The following NEBL variants were observed in gnomAD, a reference collection of about 807,000 sequenced individuals.
The protein encoded by NEBL is LIM and SH3 protein 2.
A neutral mutation model predicts 140.2 loss-of-function variants in NEBL; 122 were observed. That is an observed-to-expected ratio of 0.87 (90% CI 0.75 to 1.01). The LOEUF is 1.01. NEBL is among the 50% of genes least tolerant of loss of function. The probability of loss-of-function intolerance (pLI) is 0.00; values close to 1 mark genes in which losing one functional copy is unlikely to be tolerated. For synonymous variants in NEBL, 436 were observed against 398.9 expected (o/e 1.09, Z -1.11); for missense variants, 1,365 against 1,231.3 (o/e 1.11, Z -1.62).
chr10:20,927,413 C>G (rs1564446913), intron 4 of NEBL, among the ~76,000 whole-genome samples: 1 of 152,130 alleles, frequency 6.6e-6, no homozygotes, highest in Non-Finnish European at 1.5e-5. Flanking sequence ...TGTAGATCTA[C>G]TCCACAGAGC....
rs370386622 is a variant in NEBL at position 20,939,697 on chromosome 10, G to A, written c.357+21975C>T. On this transcript the variant is annotated intron_variant, in intron 4 of 6. Coordinates refer to the NEBL transcript ENST00000417816. ...GCTGTATTCAGGAAACCCATCTCAC[G>A]TGCAGAGACACACATAGGCTCAAAA... Among the ~76,000 whole-genome samples, 1,156 of 152,060 alleles carry A rather than the reference G, an allele frequency of 7.6e-3. 13 individuals carry two copies. Among genetic ancestry groups the A allele is most frequent in the African/African-American group, 0.026 (1,080 of 41,478 alleles).
chr10:21,254,801 G>T (rs1344012701), intron 1 of NEBL, among the ~76,000 whole-genome samples: 1 of 152,120 alleles, frequency 6.6e-6, no homozygotes, highest in Non-Finnish European at 1.5e-5. Flanking sequence ...AGGGGCCCCT[G>T]TCTGGACTTC....
At chr10:20,858,763 A>G (rs1379906161) in intron 8 of NEBL, among the ~76,000 whole-genome samples, 1 of 152,194 alleles carries the variant, frequency 6.6e-6, no homozygotes, top group Non-Finnish European at 1.5e-5. Context: ...TGAAAATATA[A>G]TACCAGTAAT....
chr10:21,036,337 C>T (rs1351013813), intron 2 of NEBL, among the ~76,000 whole-genome samples: 1 of 151,958 alleles, frequency 6.6e-6, no homozygotes, highest in East Asian at 1.9e-4. Context: ...ACCTCTGGTC[C>T]CAGCTACTCG....
At chr10:20,787,828 C>T (rs188257456) in intron 26 of NEBL, among the ~76,000 whole-genome samples, 536 of 152,144 alleles carry the variant, frequency 3.5e-3, no homozygotes, top group Non-Finnish European at 5.6e-3. Context: ...CGGTAGTTAA[C>T]AAAAAGTCCA....
In NEBL at chr10:20,835,605, G is replaced by A; in HGVS notation, c.1357C>T (p.Leu453=). 6.2e-7 allele frequency: 1 copy of A among 1,609,402 alleles called. No individual in the cohort carries two copies. The highest frequency in any genetic ancestry group is 8.5e-7 in the Non-Finnish European group (1 of 1,177,852). The change falls in exon 14 of 28, where the codon CTG becomes TTG. Residue 453 remains leucine, a synonymous_variant. Coordinates refer to ENST00000377122, the MANE Select transcript of NEBL (RefSeq NM_006393.3). The part of the protein sequence containing the change: ...MASEKEYKKD[L]ESIIKGKGMQ... ...CCTTTCCCTTTAATTATTGACTCCA[G>A]GTCTTTCTTGTATTCTTTCTGCAAA...
intron 5 of NEBL, among the ~76,000 whole-genome samples, chr10:20,876,540 A>C (rs1299894561): frequency 6.6e-6 from 1 of 152,076 alleles, no homozygotes; most frequent in African/African-American, 2.4e-5. Flanking sequence ...TTGTTTACTG[A>C]TAAGTTTTTA....
At chr10:21,169,621 TG>T (rs753995656) in intron 2 of NEBL, among the ~76,000 whole-genome samples, 4 of 152,196 alleles carry the variant, frequency 2.6e-5, no homozygotes, top group African/African-American at 7.2e-5. Context: ...TCCAAAACTT[TG>T]CCAGGCTCCA....
At chr10:20,946,680 G>T (rs755623267) in intron 4 of NEBL, among the ~76,000 whole-genome samples, 2 of 152,106 alleles carry the variant, frequency 1.3e-5, no homozygotes, top group Non-Finnish European at 2.9e-5. Flanking sequence ...GGCCAGGCTG[G>T]TCTCAAACAC....
intron 8 of NEBL, among the ~76,000 whole-genome samples, chr10:20,858,668 A>G (rs2131136192): frequency 6.6e-6 from 1 of 152,352 alleles, no homozygotes; most frequent in Middle Eastern, 3.4e-3. Flanking sequence ...AGAAATTACT[A>G]CAGTATTTCA....
chr10:21,063,473 A>G (rs1182346475), intron 2 of NEBL, among the ~76,000 whole-genome samples: 1 of 152,244 alleles, frequency 6.6e-6, no homozygotes, highest in African/African-American at 2.4e-5. Context: ...TGGAGCTGAA[A>G]TCCCTCTTTA....
chr10:21,210,440 T>C (rs1589330101), intron 3 of NEBL, among the ~76,000 whole-genome samples: 1 of 152,056 alleles, frequency 6.6e-6, no homozygotes, highest in Non-Finnish European at 1.5e-5. Context: ...AACCAAACTC[T>C]CCAGTCCAAT....
intron 4 of NEBL, among the ~76,000 whole-genome samples, chr10:20,916,436 T>C (rs1470406600): frequency 1.3e-5 from 2 of 152,246 alleles, no homozygotes; most frequent in African/African-American, 4.8e-5. Flanking sequence ...GGTCTCACTC[T>C]GTTGCCCAGA....
intron 26 of NEBL, chr10:20,793,478 A>T (rs1181406468): frequency 1.8e-5 from 5 of 277,274 alleles, no homozygotes; most frequent in African/African-American, 6.9e-5. Flanking sequence ...GGTCCCCCAC[A>T]CCAATTATAA....
chr10:21,271,163 T>C (rs529243873), intron 1 of NEBL, among the ~76,000 whole-genome samples: 106 of 152,334 alleles, frequency 7.0e-4, no homozygotes, highest in African/African-American at 2.5e-3. Context: ...TGGAATATTA[T>C]ACAGCCTTAA....
chr10:21,136,643 C>T (rs1014363706), intron 2 of NEBL, among the ~76,000 whole-genome samples: 1 of 152,172 alleles, frequency 6.6e-6, no homozygotes, highest in Non-Finnish European at 1.5e-5. Flanking sequence ...TCCAAGTTCC[C>T]TTTTGCCTTC....
At chr10:21,233,129 G>T (rs549845638) in intron 3 of NEBL, among the ~76,000 whole-genome samples, 2 of 152,238 alleles carry the variant, frequency 1.3e-5, no homozygotes, top group South Asian at 4.2e-4. Context: ...ATGGCACAAT[G>T]TTGGTTCACT....
At position 21,110,001 on chromosome 10, in the gene NEBL, C is replaced by T. The variant is rs531591082; in HGVS notation, c.164+62382G>A. On this transcript the variant is annotated intron_variant, in intron 2 of 6. Transcript: ENST00000417816. ...TGAGGGGTTTTTCATGCCTCTATCT[C>T]CTTCACTTCTGCTTTGAGCTTAGTT... Among the ~76,000 whole-genome samples the T allele has an allele frequency of 1.1e-3, 160 of 152,174 alleles. 1 individual carries two copies. The highest frequency in any genetic ancestry group is 3.4e-3 in the Middle Eastern group (1 of 292).
chr10:21,110,199 C>T (rs1334538490), intron 2 of NEBL, among the ~76,000 whole-genome samples: 3 of 152,106 alleles, frequency 2.0e-5, no homozygotes, highest in Admixed American at 6.6e-5. Flanking sequence ...TGGCCTTGTG[C>T]CCACTTCTAT....
Sources: gnomAD v4.1 joint callset for allele counts (sites outside exome capture counted in the v4.1 genomes callset) on GRCh38, gnomAD v4.1.1 for gene constraint, MANE v1.5 for transcripts, NCBI Gene and HGNC (gene_info 2026-07-23, HGNC 2026-07-21) for gene names.